MIS18A: variants seen among roughly 807,000 people sequenced by gnomAD.
MIS18A encodes MIS18 kinetochore protein A.
Under a neutral mutation model 25.0 loss-of-function variants are expected in MIS18A, and 14 were observed. That is an observed-to-expected ratio of 0.56 (90% CI 0.37 to 0.88). The LOEUF is 0.88. Among genes scored for constraint, MIS18A ranks in the 40% least tolerant of loss-of-function variants. The pLI is 0.00. For missense variants in MIS18A, 292 were observed against 290.8 expected, an observed-to-expected ratio of 1.00 and a Z score of -0.03; for synonymous variants, 134 against 118.6, an observed-to-expected ratio of 1.13 and a Z score of -0.84.
At chr21:32,271,859 G>T (rs1280800764) in intron 2 of MIS18A, among the ~76,000 whole-genome samples, 1 of 152,192 alleles carries the variant, frequency 6.6e-6, no homozygotes, top group African/African-American at 2.4e-5. Flanking sequence ...ACCATTATAA[G>T]ACCGCCTCAC....
the MIS18A span, among the ~76,000 whole-genome samples, chr21:32,162,163 T>C: frequency 1.3e-5 from 2 of 152,140 alleles, no homozygotes; most frequent in African/African-American, 4.8e-5. Context: ...CCTCTAGAGT[T>C]TCTGCCCACA....
the MIS18A span, among the ~76,000 whole-genome samples, chr21:32,258,072 C>T: frequency 6.6e-6 from 1 of 152,128 alleles, no homozygotes; most frequent in Non-Finnish European, 1.5e-5. Flanking sequence ...GCAAGGTGAT[C>T]AGAAATGTCC....
the MIS18A span, among the ~76,000 whole-genome samples, chr21:32,168,869 C>T: frequency 1.3e-5 from 2 of 152,036 alleles, no homozygotes; most frequent in East Asian, 3.9e-4. Context: ...TGGATATGTA[C>T]CTGAATATGT....
At chr21:32,234,786 C>T in the MIS18A span, among the ~76,000 whole-genome samples, 4 of 152,128 alleles carry the variant, frequency 2.6e-5, no homozygotes, top group African/African-American at 9.7e-5. Context: ...CAGCAGATGG[C>T]CGGCACCACA....
the MIS18A span, among the ~76,000 whole-genome samples, chr21:32,178,070 C>T: frequency 6.6e-6 from 1 of 151,958 alleles, no homozygotes; most frequent in East Asian, 1.9e-4. Flanking sequence ...ATGAGCATGC[C>T]ACTATACTAG....
the MIS18A span, among the ~76,000 whole-genome samples, chr21:32,205,085 T>C: frequency 6.9e-6 from 1 of 144,264 alleles, no homozygotes; most frequent in Admixed American, 7.1e-5. Context: ...TACATCCTTA[T>C]AAGAACTTGT....
the MIS18A span, among the ~76,000 whole-genome samples, chr21:32,186,269 T>C: frequency 1.3e-5 from 2 of 152,224 alleles, no homozygotes; most frequent in Admixed American, 6.5e-5. Context: ...ACGACGTGTC[T>C]ATCCTGTACC....
At chr21:32,255,891 A>C in the MIS18A span, among the ~76,000 whole-genome samples, 4,536 of 141,650 alleles carry the variant, frequency 0.032, 105 homozygotes, top group Middle Eastern at 0.11. Context: ...ACTCTGTCCC[A>C]AAAAAAAAAA....
the MIS18A span, among the ~76,000 whole-genome samples, chr21:32,155,990 T>C: frequency 6.6e-6 from 1 of 152,164 alleles, no homozygotes; most frequent in African/African-American, 2.4e-5. Context: ...CAGACAACTA[T>C]ATTGCCATAA....
At chr21:32,171,285 A>C in the MIS18A span, among the ~76,000 whole-genome samples, 1 of 152,210 alleles carries the variant, frequency 6.6e-6, no homozygotes, top group Admixed American at 6.5e-5. Flanking sequence ...AATTCATCAA[A>C]GTTGAATTCA....
chr21:32,267,579 G>A (rs1312691280), downstream of MIS18A, among the ~76,000 whole-genome samples: 1 of 152,222 alleles, frequency 6.6e-6, no homozygotes, highest in Non-Finnish European at 1.5e-5. Context: ...AGGGTATAAG[G>A]AATCGGGGAG....
chr21:32,276,317 G>A (rs1456751586), intron 1 of MIS18A, among the ~76,000 whole-genome samples: 4 of 151,810 alleles, frequency 2.6e-5, no homozygotes, highest in Non-Finnish European at 5.9e-5. Context: ...AAAAATTAGC[G>A]GGGTGTGGTG....
chr21:32,227,762 A>C, the MIS18A span, among the ~76,000 whole-genome samples: 1 of 152,224 alleles, frequency 6.6e-6, no homozygotes, highest in African/African-American at 2.4e-5. Flanking sequence ...AGAAAATTAC[A>C]TACTAATATT....
chr21:32,273,477 A>G (rs1201411072), intron 2 of MIS18A, among the ~76,000 whole-genome samples: 1 of 152,110 alleles, frequency 6.6e-6, no homozygotes, highest in Non-Finnish European at 1.5e-5. Context: ...CGACATTATT[A>G]TCACTCCAGA....
chr21:32,267,138 C>G (rs985863059), downstream of MIS18A, among the ~76,000 whole-genome samples: 1 of 152,224 alleles, frequency 6.6e-6, no homozygotes, highest in Non-Finnish European at 1.5e-5. Context: ...ATGCAGCACT[C>G]CCACCTGGAC....
chr21:32,184,640 C>T, the MIS18A span, among the ~76,000 whole-genome samples: 1 of 152,172 alleles, frequency 6.6e-6, no homozygotes, highest in Non-Finnish European at 1.5e-5. Context: ...GCACAACCCC[C>T]TCCTGTGTCC....
At chr21:32,159,094 T>C in the MIS18A span, among the ~76,000 whole-genome samples, 1 of 152,312 alleles carries the variant, frequency 6.6e-6, no homozygotes, top group African/African-American at 2.4e-5. Context: ...AAGGTTTGAA[T>C]TGGACAAAGA....
the MIS18A span, among the ~76,000 whole-genome samples, chr21:32,210,988 T>C: frequency 1.2e-4 from 18 of 152,210 alleles, no homozygotes; most frequent in Non-Finnish European, 2.4e-4. Context: ...GTCATCTTGA[T>C]AGCCCTGTGC....
At chr21:32,189,488 A>G in the MIS18A span, among the ~76,000 whole-genome samples, 1 of 152,172 alleles carries the variant, frequency 6.6e-6, no homozygotes, top group African/African-American at 2.4e-5. Context: ...CATGTTGCCC[A>G]GGCTGGGCTC....
Sources: allele counts gnomAD v4.1 joint callset (sites outside exome capture counted in the v4.1 genomes callset), GRCh38; gene constraint gnomAD v4.1.1; transcripts MANE v1.5; gene names NCBI Gene and HGNC (gene_info 2026-07-23, HGNC 2026-07-21).